Variants in STPG2 observed in about 807,000 individuals in gnomAD.
STPG2 encodes the protein sperm-tail PG-rich repeat-containing protein 2.
STPG2 carries 56 observed loss-of-function variants against 54.2 expected under a neutral mutation model. The ratio of observed to expected loss-of-function variants is 1.03; its 90% CI spans 0.83 to 1.29. STPG2 has a LOEUF of 1.29. Among genes scored for constraint, STPG2 ranks in the 50% most tolerant of loss-of-function variants. The probability of loss-of-function intolerance (pLI) is 0.00; values close to 1 mark genes in which losing one functional copy is unlikely to be tolerated. For missense variants in STPG2, 596 were observed against 544.9 expected, an observed-to-expected ratio of 1.09 and a Z score of -0.93; for synonymous variants, 200 against 181.8, an observed-to-expected ratio of 1.10 and a Z score of -0.81.
intron 5 of STPG2, among the ~76,000 whole-genome samples, chr4:98,061,556 T>G (rs1278873877): frequency 2.0e-5 from 3 of 152,024 alleles, no homozygotes. Flanking sequence ...GCATTATATT[T>G]GGGTGGGTAC....
chr4:97,615,385 T>C (rs1455447264), intron 10 of STPG2, among the ~76,000 whole-genome samples: 1 of 152,136 alleles, frequency 6.6e-6, no homozygotes, highest in African/African-American at 2.4e-5. Flanking sequence ...TTTGACAATA[T>C]ATTGGCATTT....
chr4:97,877,548 G>A (rs760013115), intron 8 of STPG2, among the ~76,000 whole-genome samples: 1 of 152,146 alleles, frequency 6.6e-6, no homozygotes, highest in Non-Finnish European at 1.5e-5. Context: ...AAGAGAAAAT[G>A]AGGATGAAGT....
chr4:97,640,745 T>A (rs1721740548), intron 10 of STPG2, among the ~76,000 whole-genome samples: 1 of 151,328 alleles, frequency 6.6e-6, no homozygotes, highest in African/African-American at 2.4e-5. Flanking sequence ...ACATATAAAA[T>A]TGTTAAACTT....
intron 10 of STPG2, among the ~76,000 whole-genome samples, chr4:97,708,840 C>A (rs1724030102): frequency 6.6e-6 from 1 of 151,054 alleles, no homozygotes; most frequent in African/African-American, 2.4e-5. Context: ...TAAAATTACC[C>A]AGAATGAGGG....
At chr4:98,120,314 C>G (rs1422560612) in intron 3 of STPG2, among the ~76,000 whole-genome samples, 1 of 152,118 alleles carries the variant, frequency 6.6e-6, no homozygotes, top group Non-Finnish European at 1.5e-5. Flanking sequence ...CTCCTGACCT[C>G]ATGATCCACC....
intron 10 of STPG2, among the ~76,000 whole-genome samples, chr4:97,560,301 T>G (rs1282428677): frequency 1.3e-5 from 2 of 152,126 alleles, no homozygotes; most frequent in African/African-American, 4.8e-5. Context: ...AAATAGAAAA[T>G]CTAATGTGCT....
chr4:97,978,091 G>A (rs989334649), intron 6 of STPG2, among the ~76,000 whole-genome samples: 2 of 152,152 alleles, frequency 1.3e-5, no homozygotes, highest in African/African-American at 4.8e-5. Context: ...AGAAGGTATA[G>A]ATAGATAGAA....
intron 8 of STPG2, among the ~76,000 whole-genome samples, chr4:97,878,790 T>C (rs1163100736): frequency 6.6e-6 from 1 of 152,220 alleles, no homozygotes; most frequent in East Asian, 1.9e-4. Context: ...TTATTACTTA[T>C]GCAAATTTCT....
chr4:97,975,150 A>G (rs946223323), intron 6 of STPG2, among the ~76,000 whole-genome samples: 2 of 152,214 alleles, frequency 1.3e-5, no homozygotes. Flanking sequence ...GATTAACTGC[A>G]AAGGAACATG....
Position 97,678,617 on chromosome 4 carries a change from CTTTTA to C in STPG2, c.1320+34077_1320+34081del, listed in dbSNP as rs1209376232. Among the ~76,000 whole-genome samples the C allele has an allele frequency of 2.6e-4, 40 of 151,374 alleles. 1 individual carries two copies. Among genetic ancestry groups the C allele is most frequent in the African/African-American group, 8.2e-4 (34 of 41,344 alleles). ...TTTTTTATTTTTTATTTTTTGACTT[CTTTTA>C]TTTTATTTTATTATTATTATACTTT... On this transcript the variant is annotated intron_variant, in intron 10 of 10. Coordinates refer to ENST00000295268, the MANE Select transcript of STPG2 (RefSeq NM_174952.3).
intron 8 of STPG2, among the ~76,000 whole-genome samples, chr4:97,869,185 A>C (rs1216056612): frequency 1.3e-5 from 2 of 151,774 alleles, no homozygotes; most frequent in Non-Finnish European, 2.9e-5. Context: ...AAAACACCTT[A>C]ATATTATTTT....
Position 97,867,818 on chromosome 4 carries a change from T to C in STPG2, c.1045-26886A>G, listed in dbSNP as rs111513431. Among the ~76,000 whole-genome samples the C allele has an allele frequency of 5.7e-3, 869 of 152,044 alleles. 5 individuals carry two copies. The highest frequency in any genetic ancestry group is 0.02 in the Middle Eastern group (6 of 294). ...TGGATACTTCATTTTATTCCTTCTG[T>C]TGCCTTTCAGGAAATAAGAATAAAG... is the stretch of plus-strand genomic sequence containing the variant. On this transcript the variant is annotated intron_variant, in intron 8 of 10. Coordinates refer to ENST00000295268, the MANE Select transcript of STPG2 (RefSeq NM_174952.3).
At chr4:97,592,493 C>A (rs1733171256) in intron 10 of STPG2, among the ~76,000 whole-genome samples, 1 of 152,008 alleles carries the variant, frequency 6.6e-6, no homozygotes, top group African/African-American at 2.4e-5. Flanking sequence ...TATATTAAAA[C>A]TATATTCTAA....
intron 9 of STPG2, among the ~76,000 whole-genome samples, chr4:97,819,620 G>A (rs1470271384): frequency 6.6e-6 from 1 of 151,678 alleles, no homozygotes; most frequent in Non-Finnish European, 1.5e-5. Context: ...TAAATATTTG[G>A]TTTCTAATAA....
chr4:98,035,793 G>T (rs1736757689), intron 5 of STPG2, among the ~76,000 whole-genome samples: 2 of 152,120 alleles, frequency 1.3e-5, no homozygotes, highest in African/African-American at 2.4e-5. Context: ...CATGTCCTTT[G>T]CAGGGACATG....
intron 5 of STPG2, among the ~76,000 whole-genome samples, chr4:97,987,309 A>G (rs1414704178): frequency 6.6e-6 from 1 of 152,166 alleles, no homozygotes; most frequent in African/African-American, 2.4e-5. Context: ...ATGAAAAATG[A>G]CTTCTCTAGT....
chr4:98,090,539 G>T (rs963403707), intron 5 of STPG2, among the ~76,000 whole-genome samples: 3 of 151,938 alleles, frequency 2.0e-5, no homozygotes. Context: ...GGCTATGCAG[G>T]CTTTTTTTTT....
At chr4:97,836,114 G>A (rs1330310363) in intron 9 of STPG2, among the ~76,000 whole-genome samples, 1 of 151,954 alleles carries the variant, frequency 6.6e-6, no homozygotes, top group African/African-American at 2.4e-5. Flanking sequence ...GGGTTAGGGA[G>A]GATTAACCCC....
intron 5 of STPG2, among the ~76,000 whole-genome samples, chr4:98,081,699 G>A (rs780758611): frequency 3.9e-5 from 6 of 152,172 alleles, no homozygotes; most frequent in Non-Finnish European, 7.3e-5. Flanking sequence ...TGCCAGCAGG[G>A]CAAGATTCTC....
Sources: allele counts gnomAD v4.1 joint callset (sites outside exome capture counted in the v4.1 genomes callset), GRCh38; gene constraint gnomAD v4.1.1; transcripts MANE v1.5; gene names NCBI Gene and HGNC (gene_info 2026-07-23, HGNC 2026-07-21).